Variants in SESN1 observed in about 807,000 individuals in gnomAD.
SESN1 encodes sestrin-1.
Under a neutral mutation model 59.3 loss-of-function variants are expected in SESN1, and 30 were observed. The ratio of observed to expected loss-of-function variants is 0.51; its 90% CI spans 0.38 to 0.69. The LOEUF (loss-of-function observed/expected upper bound fraction) is 0.69. Among genes scored for constraint, SESN1 ranks in the 30% least tolerant of loss-of-function variants. The pLI, the probability that SESN1 is intolerant of heterozygous loss-of-function variation, is 0.00. For missense variants in SESN1, 566 were observed against 673.0 expected, an observed-to-expected ratio of 0.84 and a Z score of 1.76; for synonymous variants, 197 against 219.9, an observed-to-expected ratio of 0.90 and a Z score of 0.92.
chr6:109,087,861 G>T (rs1044567168), intron 1 of SESN1, among the ~76,000 whole-genome samples: 1 of 151,018 alleles, frequency 6.6e-6, no homozygotes, highest in Non-Finnish European at 1.5e-5. Flanking sequence ...TATCTAGTTA[G>T]ATACACATGC....
Position 108,985,221 on chromosome 6 carries a change from T to C in SESN1, c.*2323A>G, listed in dbSNP as rs1176741282. ...TATCTCCTGGTGGTCTGTATCAAAA[T>C]CAATCTCATTCTTAGAGATGATAAA... On this transcript the variant is annotated 3_prime_UTR_variant, in exon 10 of 10. Transcript: ENST00000436639. 6.6e-6 allele frequency among the ~76,000 whole-genome samples: 1 copy of C among 152,226 alleles called. No homozygotes were observed. Among genetic ancestry groups the C allele is most frequent in the African/African-American group, 2.4e-5 (1 of 41,464 alleles).
chr6:108,994,661 G>C (rs1289520560), intron 5 of SESN1, 52 bp from the exon 6 acceptor site: 1 of 965,020 alleles, frequency 1.0e-6, no homozygotes, highest in East Asian at 3.6e-5. Flanking sequence ...GAATATATAT[G>C]AATTATCTTT....
intron 1 of SESN1, among the ~76,000 whole-genome samples, chr6:109,033,519 C>T (rs1447899563): frequency 2.0e-5 from 3 of 152,112 alleles, no homozygotes; most frequent in Non-Finnish European, 4.4e-5. Context: ...TGTTTTTATT[C>T]CATAATGTCC....
At chr6:109,076,928 T>C (rs1321041867) in intron 1 of SESN1, among the ~76,000 whole-genome samples, 1 of 152,238 alleles carries the variant, frequency 6.6e-6, no homozygotes, top group Non-Finnish European at 1.5e-5. Context: ...AAAATCATTG[T>C]GTGTGTTTAC....
In SESN1 at chr6:108,985,524, G is replaced by GAAAC. The variant is rs1209255036; in HGVS notation, c.*2016_*2019dup. 6.6e-6 allele frequency among the ~76,000 whole-genome samples: 1 copy of GAAAC among 152,178 alleles called. No individual in the cohort carries two copies. The highest frequency in any genetic ancestry group is 2.4e-5 in the African/African-American group (1 of 41,458). On this transcript the variant is annotated 3_prime_UTR_variant, in exon 10 of 10. Transcript: ENST00000436639. ...AAGCACCTGCTAAATGGAAGGCATT[G>GAAAC]AAACATTAACTTTGTATCACATGCA...
In SESN1 at chr6:109,093,885, A is replaced by T. The variant is rs1234663334; in HGVS notation, c.189T>A (p.Asn63Lys). The T allele has an allele frequency of 6.2e-7, 1 of 1,614,236 alleles. No individual in the cohort carries two copies. The highest frequency in any genetic ancestry group is 8.5e-7 in the Non-Finnish European group (1 of 1,180,040). Reference protein sequence around the residue: ...LSNTESSDGLNKLLAHLLMLS... With the variant: ...LSNTESSDGLKKLLAHLLMLS... Reference sequence around the variant, plus strand: ...GCATAAGCAGATGAGCAAGTAGCTTATTCAACCCATCCGAAGACTCGGTAT... The same window carrying T: ...GCATAAGCAGATGAGCAAGTAGCTTTTTCAACCCATCCGAAGACTCGGTAT... Residue 63 changes from asparagine to lysine, a missense_variant, in exon 1 of 10, where the codon AAT (asparagine) becomes AAA (lysine). Transcript: ENST00000436639.
intron 1 of SESN1, chr6:109,059,462 T>TA (rs1211062611): frequency 6.6e-6 from 1 of 152,174 alleles, no homozygotes; most frequent in Non-Finnish European, 1.5e-5. Context: ...TGGCTATATA[T>TA]AAAAAAGCAG....
chr6:109,077,796 G>A (rs1423849292), intron 1 of SESN1, among the ~76,000 whole-genome samples: 1 of 152,026 alleles, frequency 6.6e-6, no homozygotes, highest in Admixed American at 6.6e-5. Flanking sequence ...CTTTTGTTTG[G>A]GAAAGATCTC....
At chr6:108,995,603 T>C (rs1779486831) in intron 5 of SESN1, among the ~76,000 whole-genome samples, 2 of 152,216 alleles carry the variant, frequency 1.3e-5, no homozygotes, top group Non-Finnish European at 2.9e-5. Context: ...AATTTATACC[T>C]TTCTTATAAA....
chr6:109,056,314 G>A (rs1472001882), intron 1 of SESN1, among the ~76,000 whole-genome samples: 1 of 152,176 alleles, frequency 6.6e-6, no homozygotes, highest in African/African-American at 2.4e-5. Context: ...TGAGACAGGA[G>A]GATAACCTGT....
intron 1 of SESN1, among the ~76,000 whole-genome samples, chr6:109,068,073 T>C (rs1780865898): frequency 6.6e-6 from 1 of 152,206 alleles, no homozygotes; most frequent in African/African-American, 2.4e-5. Flanking sequence ...TGAGTTCCAG[T>C]AACTACACTC....
chr6:109,035,051 G>A (rs1780231164), intron 1 of SESN1, among the ~76,000 whole-genome samples: 1 of 152,096 alleles, frequency 6.6e-6, no homozygotes, highest in South Asian at 2.1e-4. Context: ...CTTATGGTGA[G>A]AAAGAAGAGA....
intron 1 of SESN1, chr6:109,009,233 G>T: frequency 1.1e-6 from 1 of 948,964 alleles, no homozygotes; most frequent in Non-Finnish European, 1.4e-6. Flanking sequence ...TCTGGGGAGC[G>T]TTTTCGGATG....
At chr6:108,994,689 AATTTAT>A in intron 5 of SESN1, 80 bp from the exon 6 acceptor site, 1 of 921,078 alleles carries the variant, frequency 1.1e-6, no homozygotes, top group Non-Finnish European at 1.5e-6. Context: ...GTCTCATAAG[AATTTAT>A]ATCTTTTTTT....
intron 5 of SESN1, among the ~76,000 whole-genome samples, chr6:108,996,509 C>G (rs1432225185): frequency 6.6e-6 from 1 of 152,038 alleles, no homozygotes; most frequent in African/African-American, 2.4e-5. Flanking sequence ...TACCTATTCT[C>G]CTCTTAAAGA....
At chr6:109,057,542 C>T (rs1340680768) in intron 1 of SESN1, among the ~76,000 whole-genome samples, 1 of 152,154 alleles carries the variant, frequency 6.6e-6, no homozygotes, top group East Asian at 1.9e-4. Context: ...AATTCAATTA[C>T]TGTTTCTAAA....
chr6:109,014,911 C>CTATT (rs750673427), intron 1 of SESN1, among the ~76,000 whole-genome samples: 1 of 152,130 alleles, frequency 6.6e-6, no homozygotes, highest in Non-Finnish European at 1.5e-5. Context: ...CTGATACCTC[C>CTATT]TATTTATTTA....
chr6:109,063,362 C>T lies in SESN1; in HGVS notation c.279+30433G>A, dbSNP rs147824088. On this transcript the variant is annotated intron_variant, in intron 1 of 9. Coordinates refer to ENST00000436639, the MANE Select transcript of SESN1 (RefSeq NM_014454.3). ...TTGGGCAGGGGGTTGGGGGGAAGGCCAGTAGGCTGCATAGACCAATGACTT... is the reference window on the plus strand; with the variant it reads ...TTGGGCAGGGGGTTGGGGGGAAGGCTAGTAGGCTGCATAGACCAATGACTT... 1.1e-3 allele frequency among the ~76,000 whole-genome samples: 160 copies of T among 152,192 alleles called. 1 individual carries two copies. The highest frequency in any genetic ancestry group is 3.5e-3 in the African/African-American group (146 of 41,528).
chr6:109,014,218 A>T (rs1339932253), intron 1 of SESN1, among the ~76,000 whole-genome samples: 1 of 152,188 alleles, frequency 6.6e-6, no homozygotes. Context: ...TTTTAAATTT[A>T]AAAGTTGCTT....
Sources: gnomAD v4.1 joint callset for allele counts (sites outside exome capture counted in the v4.1 genomes callset) on GRCh38, gnomAD v4.1.1 for gene constraint, MANE v1.5 for transcripts, NCBI Gene and HGNC (gene_info 2026-07-23, HGNC 2026-07-21) for gene names.